NAALADL2: variants seen among roughly 807,000 people sequenced by gnomAD.
The protein encoded by NAALADL2 is inactive N-acetylated-alpha-linked acidic dipeptidase-like protein 2.
In NAALADL2, 76 loss-of-function variants were observed where a neutral mutation model predicts 87.2. The ratio of observed to expected loss-of-function variants is 0.87; its 90% CI spans 0.72 to 1.05. The LOEUF (loss-of-function observed/expected upper bound fraction) is 1.05, where lower values mean the gene tolerates loss of function less well. Among genes scored for constraint, NAALADL2 ranks in the 50% least tolerant of loss-of-function variants. The probability of loss-of-function intolerance (pLI) is 0.00; values close to 1 mark genes in which losing one functional copy is unlikely to be tolerated. For synonymous variants in NAALADL2, 354 were observed against 331.0 expected (o/e 1.07, Z -0.75); for missense variants, 1,089 against 945.8 (o/e 1.15, Z -1.99).
At chr3:174,623,591 G>A (rs1473824839) in intron 2 of NAALADL2, among the ~76,000 whole-genome samples, 2 of 150,988 alleles carry the variant, frequency 1.3e-5, no homozygotes, top group Non-Finnish European at 2.9e-5. Context: ...AATAAATGGT[G>A]CGTCTGTGAG....
intron 5 of NAALADL2, among the ~76,000 whole-genome samples, chr3:175,362,067 G>T (rs1290980696): frequency 1.3e-5 from 2 of 148,308 alleles, no homozygotes; most frequent in Non-Finnish European, 3.0e-5. Context: ...AAGGGATCCA[G>T]TTTCAGCTTT....
intron 2 of NAALADL2, among the ~76,000 whole-genome samples, chr3:175,184,266 G>T (rs1218041500): frequency 1.3e-5 from 2 of 152,030 alleles, no homozygotes; most frequent in Non-Finnish European, 2.9e-5. Context: ...TAGAGCCTCA[G>T]AACTTTTTCC....
chr3:174,942,372 T>G (rs1738741147), intron 1 of NAALADL2, among the ~76,000 whole-genome samples: 1 of 152,220 alleles, frequency 6.6e-6, no homozygotes, highest in South Asian at 2.1e-4. Context: ...CAATCTCTTT[T>G]TGCTTGTAGA....
intron 3 of NAALADL2, among the ~76,000 whole-genome samples, chr3:174,756,076 A>G (rs1234399645): frequency 6.6e-6 from 1 of 152,254 alleles, no homozygotes; most frequent in African/African-American, 2.4e-5. Flanking sequence ...TGAAGTAGCC[A>G]TGCATTTAGG....
chr3:174,748,959 T>C (rs964752532), intron 3 of NAALADL2, among the ~76,000 whole-genome samples: 1 of 152,204 alleles, frequency 6.6e-6, no homozygotes, highest in Non-Finnish European at 1.5e-5. Flanking sequence ...TCTTAAGGTA[T>C]ACCCATAAAC....
At chr3:175,229,398 T>A (rs1443441976) in intron 2 of NAALADL2, among the ~76,000 whole-genome samples, 3 of 152,026 alleles carry the variant, frequency 2.0e-5, no homozygotes, top group Admixed American at 1.3e-4. Context: ...ATAGGAAATA[T>A]TTTAATTTTA....
At chr3:175,055,842 G>T (rs1237784971) in intron 1 of NAALADL2, among the ~76,000 whole-genome samples, 1 of 152,130 alleles carries the variant, frequency 6.6e-6, no homozygotes, top group Non-Finnish European at 1.5e-5. Context: ...TCCTGCCATT[G>T]CCTGTGCCAA....
chr3:175,110,884 CAA>C (rs879352151), intron 2 of NAALADL2, among the ~76,000 whole-genome samples: 11 of 151,570 alleles, frequency 7.3e-5, no homozygotes, highest in Admixed American at 6.6e-4. Flanking sequence ...AGATGAATGA[CAA>C]GAGAAAGAAA....
rs572294641 is a variant in NAALADL2 at position 175,742,549 on chromosome 3, C to T, written c.1990+5150C>T. On this transcript the variant is annotated intron_variant, in intron 12 of 13. Coordinates refer to ENST00000454872, the MANE Select transcript of NAALADL2 (RefSeq NM_207015.3). Reference sequence around the variant, plus strand: ...AGTAGCTGGGACTACAGGCGCCCACCACCACACCCGGCTAATTTTTTGTAT... The same window carrying T: ...AGTAGCTGGGACTACAGGCGCCCACTACCACACCCGGCTAATTTTTTGTAT... Among the ~76,000 whole-genome samples, 1,473 of 151,780 alleles carry T rather than the reference C, an allele frequency of 9.7e-3. 21 individuals are homozygous for T. Among genetic ancestry groups the T allele is most frequent in the African/African-American group, 0.03 (1,245 of 41,164 alleles).
At chr3:174,546,632 G>T (rs1429964439) in intron 1 of NAALADL2, among the ~76,000 whole-genome samples, 1 of 152,086 alleles carries the variant, frequency 6.6e-6, no homozygotes, top group East Asian at 1.9e-4. Flanking sequence ...TCTGTCTTGT[G>T]ACAGGTGTTT....
chr3:174,864,107 TGAGTGAG>T (rs1351501642), intron 1 of NAALADL2: 4 of 454,872 alleles, frequency 8.8e-6, no homozygotes, highest in Non-Finnish European at 1.8e-5. Flanking sequence ...CTGACCTAAA[TGAGTGAG>T]TTAGGCAAAG....
intron 1 of NAALADL2, among the ~76,000 whole-genome samples, chr3:174,493,077 A>G (rs1050015854): frequency 6.6e-6 from 1 of 152,216 alleles, no homozygotes; most frequent in African/African-American, 2.4e-5. Context: ...ATGTAGAAAC[A>G]TTCTGAAAAC....
At chr3:175,063,479 A>T (rs78446962) in intron 1 of NAALADL2, among the ~76,000 whole-genome samples, 16,935 of 151,604 alleles carry the variant, frequency 0.11, 1,076 homozygotes, top group East Asian at 0.21. Flanking sequence ...CTGTTTATAT[A>T]TATTTTACTG....
chr3:175,241,855 A>ATTTTTTTTTTTTTT lies in NAALADL2; in HGVS notation c.819+7660_819+7673dup, dbSNP rs779567135. Reference sequence around the variant, plus strand: ...TAGTGAGAAAGTATCTGGATGCTGAATTTTTTTTTTTTTTTTTTTTTTCTT... The same window carrying ATTTTTTTTTTTTTT: ...TAGTGAGAAAGTATCTGGATGCTGAATTTTTTTTTTTTTTTTTTTTTTTTTTTTTTTTTTTTCTT... On this transcript the variant is annotated intron_variant, in intron 3 of 13. Transcript: ENST00000454872. 6.8e-3 allele frequency among the ~76,000 whole-genome samples: 571 copies of ATTTTTTTTTTTTTT among 83,812 alleles called. 106 individuals are homozygous for ATTTTTTTTTTTTTT. The highest frequency in any genetic ancestry group is 0.024 in the African/African-American group (507 of 21,542). 55.0% of individuals were successfully genotyped at this position (83,812 alleles called of 152,430 possible). A position where few individuals can be genotyped will look rare whatever the true frequency, so the allele number is the denominator to read the frequency against.
chr3:174,511,796 C>T (rs1214643298), intron 1 of NAALADL2, among the ~76,000 whole-genome samples: 2 of 151,714 alleles, frequency 1.3e-5, no homozygotes, highest in Non-Finnish European at 2.9e-5. Context: ...TTCCACTCGT[C>T]TCAGCATGTG....
At chr3:174,733,500 G>A (rs1732901867) in intron 2 of NAALADL2, among the ~76,000 whole-genome samples, 1 of 152,210 alleles carries the variant, frequency 6.6e-6, no homozygotes, top group Non-Finnish European at 1.5e-5. Context: ...ATCCAGTTAG[G>A]TGCCAAGAGA....
chr3:175,071,020 A>T (rs915264887), intron 1 of NAALADL2, among the ~76,000 whole-genome samples: 5 of 152,044 alleles, frequency 3.3e-5, no homozygotes, highest in Non-Finnish European at 7.4e-5. Context: ...GTGTCTAAGA[A>T]CAGTGACCTT....
intron 1 of NAALADL2, among the ~76,000 whole-genome samples, chr3:175,015,265 G>T (rs1313037031): frequency 6.6e-6 from 1 of 152,052 alleles, no homozygotes; most frequent in Non-Finnish European, 1.5e-5. Flanking sequence ...AACATTTGGA[G>T]GCATTTTTCC....
intron 1 of NAALADL2, among the ~76,000 whole-genome samples, chr3:174,932,436 CTA>C (rs1737039600): frequency 6.6e-6 from 1 of 152,130 alleles, no homozygotes; most frequent in South Asian, 2.1e-4. Flanking sequence ...CTTAATTTCT[CTA>C]TGTCTTTCCG....
Sources: allele counts gnomAD v4.1 joint callset (sites outside exome capture counted in the v4.1 genomes callset), GRCh38; gene constraint gnomAD v4.1.1; transcripts MANE v1.5; gene names NCBI Gene and HGNC (gene_info 2026-07-23, HGNC 2026-07-21).